The following ACYP2 variants were observed in gnomAD, a reference collection of about 807,000 sequenced individuals.
ACYP2 encodes the protein acylphosphatase 2.
ACYP2 carries 12 observed loss-of-function variants against 11.2 expected under a neutral mutation model. That is an observed-to-expected ratio of 1.08 (90% CI 0.69 to 1.74). ACYP2 has a LOEUF of 1.74. ACYP2 is among the 40% of genes most tolerant of loss of function. The pLI is 0.00. For missense variants in ACYP2, 134 were observed against 101.9 expected, an observed-to-expected ratio of 1.31 and a Z score of -1.35; for synonymous variants, 43 against 32.2, an observed-to-expected ratio of 1.33 and a Z score of -1.13.
At chr2:54,262,931 G>C (rs1687846023) in intron 6 of ACYP2, among the ~76,000 whole-genome samples, 1 of 152,094 alleles carries the variant, frequency 6.6e-6, no homozygotes, top group African/African-American at 2.4e-5. Flanking sequence ...GTGATAGAAG[G>C]TTTAGAAGCT....
chr2:54,265,249 G>T (rs201631812), intron 6 of ACYP2, among the ~76,000 whole-genome samples: 3 of 152,188 alleles, frequency 2.0e-5, no homozygotes, highest in Non-Finnish European at 2.9e-5. Flanking sequence ...CAATCTTGGT[G>T]GAAGGCAAGG....
At chr2:54,303,501 T>G (rs546044820) in intron 6 of ACYP2, among the ~76,000 whole-genome samples, 6 of 152,364 alleles carry the variant, frequency 3.9e-5, no homozygotes, top group Non-Finnish European at 7.3e-5. Flanking sequence ...CTGAGTTTTT[T>G]CTTCAACACA....
intron 4 of ACYP2, among the ~76,000 whole-genome samples, chr2:54,125,840 G>T (rs146697841): frequency 0.051 from 7,827 of 152,244 alleles, 628 homozygotes; most frequent in African/African-American, 0.17. Flanking sequence ...CCAGCACTTT[G>T]GGGGGCCGAG....
Position 53,973,715 on chromosome 2 carries a change from T to A in ACYP2, c.-34T>A, listed in dbSNP as rs565370309. The A allele has an allele frequency of 7.0e-4, 208 of 296,830 alleles. 1 individual carries two copies. The highest frequency in any genetic ancestry group is 1.1e-3 in the Non-Finnish European group (182 of 161,860). 18.4% of individuals were successfully genotyped at this position (296,830 alleles called of 1,614,324 possible). ...CCCTTTGCTGACTCCTTTTTCAGAC[T>A]CAGCCTGCCTGCACCCAGGTGAAAT... On this transcript the variant is annotated splice_region_variant and 5_prime_UTR_variant, in exon 2 of 7. Transcript: ENST00000607452.
intron 6 of ACYP2, among the ~76,000 whole-genome samples, chr2:54,274,403 G>A (rs555548985): frequency 6.6e-6 from 1 of 152,038 alleles, no homozygotes; most frequent in Non-Finnish European, 1.5e-5. Flanking sequence ...CACTTTGGGA[G>A]GCTGAGGTGG....
intron 2 of ACYP2, among the ~76,000 whole-genome samples, chr2:54,036,824 G>A (rs1303221563): frequency 6.6e-6 from 1 of 152,134 alleles, no homozygotes; most frequent in South Asian, 2.1e-4. Flanking sequence ...ACATTGGCGG[G>A]ACTGTTTCTG....
chr2:54,055,445 A>G (rs1299812325), intron 3 of ACYP2, among the ~76,000 whole-genome samples: 5 of 152,228 alleles, frequency 3.3e-5, no homozygotes, highest in African/African-American at 1.2e-4. Context: ...AATGTAAACA[A>G]TTTGTATTTA....
intron 2 of ACYP2, among the ~76,000 whole-genome samples, chr2:53,989,238 A>AT (rs1672169920): frequency 6.7e-6 from 1 of 148,272 alleles, no homozygotes; most frequent in South Asian, 2.1e-4. Flanking sequence ...ATAAGAAGAC[A>AT]TATCTTTCAA....
chr2:54,090,559 AGGT>A (rs1251473418), intron 4 of ACYP2, among the ~76,000 whole-genome samples: 3 of 152,148 alleles, frequency 2.0e-5, no homozygotes, highest in African/African-American at 7.2e-5. Context: ...TGAAACCGGG[AGGT>A]GGAGTTTGCA....
chr2:54,120,515 TTTTTTTTTG>T (rs1204309864), intron 4 of ACYP2, among the ~76,000 whole-genome samples: 1 of 151,728 alleles, frequency 6.6e-6, no homozygotes, highest in Non-Finnish European at 1.5e-5. Flanking sequence ...GTGCTTAGAA[TTTTTTTTTG>T]ACTGAGTTTT....
intron 2 of ACYP2, among the ~76,000 whole-genome samples, chr2:54,027,837 C>CTTTCTTTTTTTTTTTTT (rs772573473): frequency 2.0e-5 from 2 of 97,892 alleles, no homozygotes; most frequent in African/African-American, 4.2e-5. Context: ...TTCTTTCTTT[C>CTTTCTTTTTTTTTTTTT]TTTTTTTTTT....
chr2:54,150,240 C>T (rs1456433459), intron 6 of ACYP2, among the ~76,000 whole-genome samples: 2 of 152,176 alleles, frequency 1.3e-5, no homozygotes, highest in African/African-American at 4.8e-5. Flanking sequence ...ACAACAAAGA[C>T]TGGATGGCCT....
Position 54,127,772 on chromosome 2 carries a change from G to C in ACYP2, c.278-7681G>C, listed in dbSNP as rs1008193152. ...TCTCAAAAAAAAAAAAAAAAAAAAA[G>C]CTTCTGGAATTTCATCACCTGGAAG... On this transcript the variant is annotated intron_variant, in intron 4 of 6. Coordinates refer to ENST00000607452, the MANE Select transcript of ACYP2 (RefSeq NM_001320586.2). Among the ~76,000 whole-genome samples, 7 of 130,982 alleles carry C rather than the reference G, an allele frequency of 5.3e-5. No homozygotes were observed. The East Asian group carries it at 1.4e-3, about 25-fold the overall frequency. 85.9% of individuals were successfully genotyped at this position (130,982 alleles called of 152,430 possible). A position where few individuals can be genotyped will look rare whatever the true frequency, so the allele number is the denominator to read the frequency against.
intron 2 of ACYP2, among the ~76,000 whole-genome samples, chr2:53,982,558 T>C (rs1443151749): frequency 6.6e-6 from 1 of 152,214 alleles, no homozygotes; most frequent in Non-Finnish European, 1.5e-5. Flanking sequence ...TTAAGATCTC[T>C]AGATAAAACT....
chr2:54,143,752 TTTTTTG>T (rs1437649709), intron 6 of ACYP2, among the ~76,000 whole-genome samples: 67 of 122,186 alleles, frequency 5.5e-4, no homozygotes, highest in Non-Finnish European at 7.8e-4. Flanking sequence ...TTTTTTTTTT[TTTTTTG>T]GGGGGGGGGT....
intron 6 of ACYP2, among the ~76,000 whole-genome samples, chr2:54,149,426 T>C (rs915342899): frequency 6.6e-6 from 1 of 152,266 alleles, no homozygotes; most frequent in African/African-American, 2.4e-5. Context: ...AATTGTACTA[T>C]ATTATTCCAA....
intron 6 of ACYP2, among the ~76,000 whole-genome samples, chr2:54,161,262 A>C (rs1682698023): frequency 6.6e-6 from 1 of 152,200 alleles, no homozygotes; most frequent in African/African-American, 2.4e-5. Flanking sequence ...ATGGCAACTA[A>C]ATTGCCCACA....
At chr2:54,184,246 C>G (rs1452628391) in intron 6 of ACYP2, among the ~76,000 whole-genome samples, 3 of 152,158 alleles carry the variant, frequency 2.0e-5, no homozygotes, top group African/African-American at 4.8e-5. Flanking sequence ...AGAAACATTT[C>G]TCAGGGACCT....
At chr2:54,103,804 C>T (rs1679022071) in intron 4 of ACYP2, among the ~76,000 whole-genome samples, 1 of 152,222 alleles carries the variant, frequency 6.6e-6, no homozygotes, top group Admixed American at 6.5e-5. Context: ...TGGTATCCCA[C>T]AGGGAGTACT....
Sources: allele counts gnomAD v4.1 joint callset (sites outside exome capture counted in the v4.1 genomes callset), GRCh38; gene constraint gnomAD v4.1.1; transcripts MANE v1.5; gene names NCBI Gene and HGNC (gene_info 2026-07-23, HGNC 2026-07-21).